PRDM16: variants seen among roughly 807,000 people sequenced by gnomAD.
PRDM16 encodes PR/SET domain 16, also known as histone-lysine N-methyltransferase PRDM16.
Under a neutral mutation model 110.6 loss-of-function variants are expected in PRDM16, and 23 were observed. The observed-to-expected ratio is 0.21, with a 90% CI of 0.15 to 0.29. PRDM16 has a LOEUF of 0.29. Among genes scored for constraint, PRDM16 ranks in the 10% least tolerant of loss-of-function variants. The pLI is 1.00. For synonymous variants in PRDM16, 799 were observed against 781.8 expected (o/e 1.02, Z -0.37); for missense variants, 1,615 against 1,794.3 (o/e 0.90, Z 1.81).
intron 12 of PRDM16, among the ~76,000 whole-genome samples, chr1:3,422,592 A>G (rs2100685785): frequency 6.6e-6 from 1 of 152,276 alleles, no homozygotes; most frequent in South Asian, 2.1e-4. Flanking sequence ...AGGCACCACC[A>G]TTCCAGTCTA....
At chr1:3,291,763 G>A (rs1409785062) in intron 3 of PRDM16, among the ~76,000 whole-genome samples, 11 of 152,284 alleles carry the variant, frequency 7.2e-5, no homozygotes, top group Admixed American at 6.5e-4. Context: ...GGAGACGGGG[G>A]TTCTGTGTAA....
In PRDM16 at chr1:3,209,982, G is replaced by C. The variant is rs140959537; in HGVS notation, c.387+23508G>C. The stretch of plus-strand genomic sequence containing the variant: ...TAGCATTTTCTAGAGACATTTGCAG[G>C]AAGGTATTTGACACATTAAAGCCAA... On this transcript the variant is annotated intron_variant, in intron 2 of 16. Transcript: ENST00000270722. The surrounding 1 kb of genome is among the most constrained non-coding windows in gnomAD (Gnocchi z 4.6). Among the ~76,000 whole-genome samples, 294 of 152,310 alleles carry C rather than the reference G, an allele frequency of 1.9e-3. 1 individual carries two copies. The highest frequency in any genetic ancestry group is 6.9e-3 in the African/African-American group (286 of 41,574).
chr1:3,414,426 C>T (rs556771863), intron 9 of PRDM16, 134 bp from the exon 10 acceptor site: 2 of 669,188 alleles, frequency 3.0e-6, no homozygotes, highest in Admixed American at 2.4e-5. Context: ...TTGGGGCAGC[C>T]ACGGCGAGGT....
chr1:3,293,921 G>A (rs1469400456), intron 3 of PRDM16, among the ~76,000 whole-genome samples: 2 of 152,206 alleles, frequency 1.3e-5, no homozygotes, highest in African/African-American at 4.8e-5. Flanking sequence ...ACTCGTGGGT[G>A]CCGGCAGTGT....
chr1:3,150,017 C>T (rs972536128), intron 1 of PRDM16, among the ~76,000 whole-genome samples: 2 of 152,216 alleles, frequency 1.3e-5, no homozygotes, highest in African/African-American at 2.4e-5. Context: ...CTGGCTGGGG[C>T]GTGTCCATCT....
At chr1:3,127,689 CT>C (rs1457449543) in intron 1 of PRDM16, among the ~76,000 whole-genome samples, 10 of 152,394 alleles carry the variant, frequency 6.6e-5, no homozygotes, top group African/African-American at 1.7e-4. Flanking sequence ...AGGGACCCCC[CT>C]GGGCCATGTC....
intron 2 of PRDM16, among the ~76,000 whole-genome samples, chr1:3,196,926 G>A (rs1032455182): frequency 3.3e-5 from 5 of 152,294 alleles, no homozygotes; most frequent in Admixed American, 6.5e-5. Context: ...CTGGAGCTGC[G>A]AAGAGGCGGG....
intron 2 of PRDM16, among the ~76,000 whole-genome samples, chr1:3,231,510 G>A (rs976453986): frequency 2.3e-5 from 3 of 129,898 alleles, no homozygotes; most frequent in Admixed American, 7.4e-5. Context: ...CAGGGGATGC[G>A]GGGGTCGAGA....
rs1638589965 is a variant in PRDM16 at position 3,425,913 on chromosome 1, A to C, written c.3110-138A>C. On this transcript the variant is annotated intron_variant, in intron 13 of 16. Coordinates refer to ENST00000270722, the MANE Select transcript of PRDM16 (RefSeq NM_022114.4). The surrounding 1 kb of genome is among the most constrained non-coding windows in gnomAD (Gnocchi z 6.9). The stretch of plus-strand genomic sequence containing the variant: ...CCCTCAAACCGTGGTCATTAAAGAG[A>C]ACCTCGTGCTCTCCGGTGTCCCTAA... 1 of 1,240,242 alleles carries C rather than the reference A, an allele frequency of 8.1e-7. No individual in the cohort carries two copies. The highest frequency in any genetic ancestry group is 1.5e-5 in the African/African-American group (1 of 66,156). The allele number at this position is 1,240,242 out of a possible 1,614,324, so 76.8% of individuals were successfully genotyped here. A position where few individuals can be genotyped will look rare whatever the true frequency, so the allele number is the denominator to read the frequency against.
chr1:3,135,251 C>T (rs1457403166), intron 1 of PRDM16, among the ~76,000 whole-genome samples: 1 of 152,176 alleles, frequency 6.6e-6, no homozygotes, highest in Non-Finnish European at 1.5e-5. Context: ...CTGGACTGGC[C>T]ATGGTGGCCC....
At chr1:3,228,411 CA>C (rs893062122) in intron 2 of PRDM16, among the ~76,000 whole-genome samples, 1 of 152,204 alleles carries the variant, frequency 6.6e-6, no homozygotes, top group African/African-American at 2.4e-5. Flanking sequence ...TGAGGCTACA[CA>C]AAGCTAACAG....
rs771684634 is a variant in PRDM16, at chr1:3,412,158, C to T, written c.1961C>T (p.Ala654Val). 6.8e-5 allele frequency: 106 copies of T among 1,561,474 alleles called. No homozygotes were observed. The highest frequency in any genetic ancestry group is 8.5e-5 in the Non-Finnish European group (98 of 1,154,490). ...EGQPKFGGGL[A>V]PPGAPNSVAE... is the part of the protein sequence containing the mutation. ...CAGCCCAAGTTTGGGGGCGGCTTGG[C>T]GCCCCCGGGGGCCCCGAACAGCGTG... Residue 654 changes from alanine (A) to valine (V), a missense_variant, in exon 9 of 17, where the codon GCG (alanine) becomes GTG (valine). By Grantham distance (64) the Ala-to-Val change is moderately conservative. Coordinates refer to ENST00000270722, the MANE Select transcript of PRDM16 (RefSeq NM_022114.4).
At chr1:3,225,142 G>A (rs1423624304) in intron 2 of PRDM16, among the ~76,000 whole-genome samples, 1 of 142,578 alleles carries the variant, frequency 7.0e-6, no homozygotes, top group Non-Finnish European at 1.5e-5. Flanking sequence ...GGCAAAATAT[G>A]GCTTTTAGCT....
In PRDM16 at chr1:3,148,583, A is replaced by G. The variant is rs920361065; in HGVS notation, c.38-37542A>G. 6.6e-6 allele frequency among the ~76,000 whole-genome samples: 1 copy of G among 151,518 alleles called. No homozygotes were observed. Among genetic ancestry groups the G allele is most frequent in the African/African-American group, 2.4e-5 (1 of 41,196 alleles). ...GGATTTTACAATCCAGGAGATGTCA[A>G]CTCCTTGCTGGGACCTCCTTGACGC... On this transcript the variant is annotated intron_variant, in intron 1 of 16. Coordinates refer to ENST00000270722, the MANE Select transcript of PRDM16 (RefSeq NM_022114.4). The surrounding 1 kb of genome is among the most constrained non-coding windows in gnomAD (Gnocchi z 5.0).
At chr1:3,200,997 GGAA>G (rs1244149529) in intron 2 of PRDM16, among the ~76,000 whole-genome samples, 2 of 151,920 alleles carry the variant, frequency 1.3e-5, no homozygotes, top group Admixed American at 6.6e-5. Flanking sequence ...GGGAGGAAGG[GGAA>G]GAGGAGGAGG....
Position 3,412,347 on chromosome 1 carries a change from G to T in PRDM16, c.2150G>T (p.Gly717Val), listed in dbSNP as rs746583494. ...GFMGMQEKKLGSLPYHSAFPF... is the reference protein window; with the variant it reads ...GFMGMQEKKLVSLPYHSAFPF... Reference sequence around the variant, plus strand: ...ATGGGGATGCAGGAGAAGAAGCTGGGCTCGCTCCCCTACCACTCGGCGTTC... The same window carrying T: ...ATGGGGATGCAGGAGAAGAAGCTGGTCTCGCTCCCCTACCACTCGGCGTTC... Residue 717 changes from glycine (G) to valine (V), a missense_variant, in exon 9 of 17, where the codon GGC becomes GTC. This residue lies in a region of PRDM16 where 772 missense variants were observed against 748.3 expected (regional missense o/e 1.03). Transcript: ENST00000270722. 1 of 1,613,642 alleles carries T rather than the reference G, an allele frequency of 6.2e-7. No homozygotes were observed. The highest frequency in any genetic ancestry group is 1.7e-5 in the Admixed American group (1 of 60,026).
chr1:3,139,290 T>G (rs1569661637), intron 1 of PRDM16, among the ~76,000 whole-genome samples: 1 of 152,170 alleles, frequency 6.6e-6, no homozygotes. Flanking sequence ...CTGCCTTCCT[T>G]CCTCCTGGAG....
chr1:3,322,609 G>A (rs907283978), intron 3 of PRDM16, among the ~76,000 whole-genome samples: 3 of 152,084 alleles, frequency 2.0e-5, no homozygotes, highest in Admixed American at 1.3e-4. Context: ...CCAGACCTGC[G>A]GCACCCAGTG....
At chr1:3,203,606 A>C (rs866929846) in intron 2 of PRDM16, among the ~76,000 whole-genome samples, 2 of 152,042 alleles carry the variant, frequency 1.3e-5, no homozygotes, top group Admixed American at 6.5e-5. Context: ...TGTGGTGCAG[A>C]TCTTCCCCAT....
Sources: allele counts gnomAD v4.1 joint callset (sites outside exome capture counted in the v4.1 genomes callset), GRCh38; gene constraint gnomAD v4.1.1; regional missense constraint gnomAD v4.1.1; non-coding constraint Gnocchi (gnomAD v3.1); transcripts MANE v1.5; gene names NCBI Gene and HGNC (gene_info 2026-07-23, HGNC 2026-07-21).